REC114: variants seen among roughly 807,000 people sequenced by gnomAD.
REC114 encodes REC114 meiotic recombination protein.
Under a neutral mutation model 31.3 loss-of-function variants are expected in REC114, and 27 were observed. The observed-to-expected ratio is 0.86, with a 90% CI of 0.64 to 1.19. REC114 has a LOEUF of 1.19. Among genes scored for constraint, REC114 ranks in the 50% most tolerant of loss-of-function variants. The pLI, the probability that REC114 is intolerant of heterozygous loss-of-function variation, is 0.00. For missense variants in REC114, 344 were observed against 326.9 expected (o/e 1.05, Z -0.40); for synonymous variants, 134 against 127.7 (o/e 1.05, Z -0.33).
chr15:73,559,376 G>A (rs989599257), intron 5 of REC114, among the ~76,000 whole-genome samples: 10 of 152,302 alleles, frequency 6.6e-5, no homozygotes, highest in Admixed American at 3.3e-4. Context: ...ATGCTGTGGC[G>A]AAGATGAACT....
chr15:73,541,388 C>T (rs1228037110), intron 3 of REC114, among the ~76,000 whole-genome samples: 2 of 152,172 alleles, frequency 1.3e-5, no homozygotes, highest in African/African-American at 4.8e-5. Flanking sequence ...TGTTTATGCT[C>T]ATCACTACCT....
At chr15:73,491,001 T>C (rs977368448) in intron 2 of REC114, among the ~76,000 whole-genome samples, 6 of 152,186 alleles carry the variant, frequency 3.9e-5, no homozygotes, top group Non-Finnish European at 8.8e-5. Context: ...CTTATCCGCA[T>C]CATGCTGAAT....
At chr15:73,492,901 A>C (rs1323559519) in intron 2 of REC114, among the ~76,000 whole-genome samples, 1 of 151,414 alleles carries the variant, frequency 6.6e-6, no homozygotes, top group African/African-American at 2.4e-5. Context: ...GGCCAGCTGG[A>C]TATCCTCTTT....
At chr15:73,530,926 A>AAC (rs1894072004) in intron 2 of REC114, among the ~76,000 whole-genome samples, 1 of 152,104 alleles carries the variant, frequency 6.6e-6, no homozygotes, top group Non-Finnish European at 1.5e-5. Flanking sequence ...CCTGGGGACG[A>AAC]GGTGCACTGT....
chr15:73,551,868 G>C (rs983805425), intron 4 of REC114, among the ~76,000 whole-genome samples: 3 of 152,140 alleles, frequency 2.0e-5, no homozygotes, highest in African/African-American at 7.2e-5. Context: ...GTGAAAATTA[G>C]AATCTTGAAA....
intron 2 of REC114, among the ~76,000 whole-genome samples, chr15:73,525,573 T>G (rs1351617736): frequency 6.6e-6 from 1 of 151,826 alleles, no homozygotes; most frequent in Non-Finnish European, 1.5e-5. Flanking sequence ...ATTCTGTGAT[T>G]TTTTTTTACC....
intron 3 of REC114, among the ~76,000 whole-genome samples, chr15:73,548,587 A>G (rs1458769155): frequency 1.3e-5 from 2 of 152,198 alleles, no homozygotes; most frequent in Non-Finnish European, 2.9e-5. Context: ...TTGTACTTAT[A>G]TACTGTTGGT....
chr15:73,465,958 T>A (rs1893051467), intron 1 of REC114, among the ~76,000 whole-genome samples: 1 of 152,130 alleles, frequency 6.6e-6, no homozygotes, highest in African/African-American at 2.4e-5. Context: ...TTCAAGCGAT[T>A]CTTCTGCCTC....
chr15:73,493,057 C>T (rs1012273551), intron 2 of REC114, among the ~76,000 whole-genome samples: 5 of 151,768 alleles, frequency 3.3e-5, no homozygotes, highest in Admixed American at 6.6e-5. Flanking sequence ...CACTCTGACA[C>T]TCTGGCTGGA....
intron 2 of REC114, among the ~76,000 whole-genome samples, chr15:73,504,873 C>A (rs1893653952): frequency 6.6e-6 from 1 of 151,768 alleles, no homozygotes; most frequent in South Asian, 2.1e-4. Context: ...TTATTGGATT[C>A]TATTTTAATT....
At chr15:73,473,186 C>G (rs374079657) in intron 1 of REC114, among the ~76,000 whole-genome samples, 10 of 152,014 alleles carry the variant, frequency 6.6e-5, no homozygotes, top group Admixed American at 5.9e-4. Context: ...GTCAGGAATT[C>G]GAGACCAGCC....
chr15:73,532,519 C>A (rs1894099735), intron 2 of REC114, among the ~76,000 whole-genome samples: 1 of 151,230 alleles, frequency 6.6e-6, no homozygotes, highest in South Asian at 2.1e-4. Flanking sequence ...ATGGCTGGGT[C>A]AAATGGTATT....
intron 2 of REC114, among the ~76,000 whole-genome samples, chr15:73,539,916 A>G (rs1419842441): frequency 6.6e-6 from 1 of 152,128 alleles, no homozygotes. Context: ...TATGGATCCA[A>G]CTGTTGTCCC....
chr15:73,466,610 G>A (rs1322171457), intron 1 of REC114, among the ~76,000 whole-genome samples: 1 of 152,084 alleles, frequency 6.6e-6, no homozygotes. Context: ...TACAATTTAC[G>A]CAACTATTAA....
chr15:73,495,508 TAAAA>T (rs80177107), intron 2 of REC114, among the ~76,000 whole-genome samples: 1 of 130,698 alleles, frequency 7.7e-6, no homozygotes, highest in Non-Finnish European at 1.7e-5. Context: ...CTGCCAGTCT[TAAAA>T]AAAAAAAAAA....
intron 3 of REC114, among the ~76,000 whole-genome samples, chr15:73,540,795 C>A (rs780127667): frequency 6.6e-6 from 1 of 152,118 alleles, no homozygotes; most frequent in South Asian, 2.1e-4. Flanking sequence ...TCTCAGTATG[C>A]GTCTGATGGA....
chr15:73,463,074 A>G (rs78681115), intron 1 of REC114, among the ~76,000 whole-genome samples: 7,745 of 152,218 alleles, frequency 0.051, 239 homozygotes, highest in East Asian at 0.11. Flanking sequence ...ATACCCCAAA[A>G]TTAACAATTT....
At chr15:73,534,093 C>A (rs1455842035) in intron 2 of REC114, among the ~76,000 whole-genome samples, 1 of 139,310 alleles carries the variant, frequency 7.2e-6, no homozygotes, top group African/African-American at 2.7e-5. Flanking sequence ...CAGGAAAGAT[C>A]CAAAATTGAC....
At chr15:73,457,298 C>CT (rs1357953744) in intron 1 of REC114, among the ~76,000 whole-genome samples, 1 of 152,104 alleles carries the variant, frequency 6.6e-6, no homozygotes, top group East Asian at 1.9e-4. Flanking sequence ...CCCTTAAATT[C>CT]TTTCAGGTGG....
Sources: allele counts gnomAD v4.1 joint callset (sites outside exome capture counted in the v4.1 genomes callset), GRCh38; gene constraint gnomAD v4.1.1; transcripts MANE v1.5; gene names NCBI Gene and HGNC (gene_info 2026-07-23, HGNC 2026-07-21).